Variants in ATP10B observed in about 807,000 individuals in gnomAD.
The protein encoded by ATP10B is ATPase phospholipid transporting 10B (putative), also known as phospholipid-transporting ATPase VB.
In ATP10B, 122 loss-of-function variants were observed where a neutral mutation model predicts 141.2. That is an observed-to-expected ratio of 0.86 (90% CI 0.75 to 1.00). The LOEUF (loss-of-function observed/expected upper bound fraction) is 1.00, where lower values mean the gene tolerates loss of function less well. Among genes scored for constraint, ATP10B ranks in the 50% least tolerant of loss-of-function variants. The pLI is 0.00. For missense variants in ATP10B, 1,876 were observed against 1,825.3 expected (o/e 1.03, Z -0.51); for synonymous variants, 685 against 692.0 (o/e 0.99, Z 0.16).
chr5:160,660,275 C>A (rs1005369752), intron 7 of ATP10B, among the ~76,000 whole-genome samples: 2 of 152,136 alleles, frequency 1.3e-5, no homozygotes, highest in Admixed American at 6.5e-5. Context: ...ATTGTGGTTT[C>A]TATTAAAAGG....
chr5:160,826,378 A>G (rs1774603874), intron 1 of ATP10B, among the ~76,000 whole-genome samples: 2 of 152,182 alleles, frequency 1.3e-5, no homozygotes, highest in African/African-American at 2.4e-5. Flanking sequence ...GATTTCATGG[A>G]CATTTATCAC....
intron 3 of ATP10B, among the ~76,000 whole-genome samples, chr5:160,707,354 A>G (rs76877564): frequency 0.017 from 2,514 of 152,320 alleles, 70 homozygotes; most frequent in African/African-American, 0.058. Context: ...AGGACCCCCT[A>G]AGCTGGTATT....
At chr5:160,850,859 A>G (rs1396199308) in intron 1 of ATP10B, among the ~76,000 whole-genome samples, 4 of 152,368 alleles carry the variant, frequency 2.6e-5, no homozygotes, top group African/African-American at 7.2e-5. Context: ...TGAATTTTCC[A>G]AGAATTTTTT....
intron 10 of ATP10B, 111 bp from the exon 11 acceptor site, chr5:160,636,420 C>T (rs573823090): frequency 1.8e-6 from 2 of 1,092,550 alleles, no homozygotes; most frequent in East Asian, 4.9e-5. Context: ...TTGGAGGACC[C>T]CTCCTTCTTC....
chr5:160,842,272 T>C (rs375143319), intron 1 of ATP10B, among the ~76,000 whole-genome samples: 88 of 152,200 alleles, frequency 5.8e-4, no homozygotes, highest in Non-Finnish European at 2.9e-4. Context: ...TTCTAAAATA[T>C]CTTAAATTAC....
At chr5:160,648,782 G>A (rs1023778597) in intron 8 of ATP10B, among the ~76,000 whole-genome samples, 1 of 152,144 alleles carries the variant, frequency 6.6e-6, no homozygotes, top group African/African-American at 2.4e-5. Context: ...GCAGAACCCC[G>A]ATTCAAACCC....
chr5:160,620,691 AGGATGTC>A lies in ATP10B; in HGVS notation c.2065_2071del (p.Asp689TrpfsTer48). 1 of 1,614,084 alleles carries A rather than the reference AGGATGTC, an allele frequency of 6.2e-7. No homozygotes were observed. Among genetic ancestry groups the A allele is most frequent in the Non-Finnish European group, 8.5e-7 (1 of 1,179,936 alleles). ...CAAGGAAGTGCCTGACCCAGACTCC[AGGATGTC>A]GCCCTGGTCCCACATGCTGCTCCTG... is the stretch of plus-strand genomic sequence containing the variant. On this transcript the variant is annotated frameshift_variant, in exon 15 of 26. Transcript: ENST00000327245. LOFTEE classifies it high-confidence loss of function.
intron 1 of ATP10B, among the ~76,000 whole-genome samples, chr5:160,843,647 A>G (rs1775939887): frequency 6.6e-6 from 1 of 152,172 alleles, no homozygotes; most frequent in South Asian, 2.1e-4. Context: ...TTGTGAACCT[A>G]AAGAAACTTT....
intron 9 of ATP10B, among the ~76,000 whole-genome samples, chr5:160,642,394 T>C (rs1759936686): frequency 6.6e-6 from 1 of 152,192 alleles, no homozygotes; most frequent in Non-Finnish European, 1.5e-5. Flanking sequence ...GGCCTTTGAC[T>C]CTGAGGCCCT....
rs1774099369 is a variant in ATP10B at position 160,821,489 on chromosome 5, T to C, written c.-576+30452A>G. Among the ~76,000 whole-genome samples, 3 of 152,210 alleles carry C rather than the reference T, an allele frequency of 2.0e-5. No individual in the cohort carries two copies. In the South Asian group the frequency reaches 6.2e-4, roughly 32 times the overall value. ...AACCCCTATCAAAATAACAATGATA[T>C]TCTTTACAGAAATATAAAAAAATCT... On this transcript the variant is annotated intron_variant, in intron 1 of 25. Transcript: ENST00000327245.
intron 9 of ATP10B, among the ~76,000 whole-genome samples, chr5:160,643,904 C>A (rs1373903071): frequency 1.3e-5 from 2 of 152,156 alleles, no homozygotes; most frequent in African/African-American, 2.4e-5. Flanking sequence ...GTGTGAATCC[C>A]TTTCCCTATC....
At chr5:160,826,747 A>G (rs942141255) in intron 1 of ATP10B, among the ~76,000 whole-genome samples, 2 of 152,104 alleles carry the variant, frequency 1.3e-5, no homozygotes, top group Non-Finnish European at 2.9e-5. Flanking sequence ...TGGGAAAGGA[A>G]TTGCATTCCT....
the ATP10B span, among the ~76,000 whole-genome samples, chr5:160,897,109 A>G: frequency 6.6e-6 from 1 of 152,242 alleles, no homozygotes; most frequent in Non-Finnish European, 1.5e-5. Flanking sequence ...AAAAGCTGGA[A>G]GCATTCCCTT....
intron 8 of ATP10B, among the ~76,000 whole-genome samples, chr5:160,648,120 T>A (rs185439152): frequency 6.6e-6 from 1 of 152,190 alleles, no homozygotes; most frequent in African/African-American, 2.4e-5. Context: ...TTTGCATCTA[T>A]AAAGTCTCAG....
intron 6 of ATP10B, among the ~76,000 whole-genome samples, chr5:160,671,863 C>G (rs747822155): frequency 2.0e-5 from 3 of 151,986 alleles, no homozygotes; most frequent in East Asian, 1.9e-4. Flanking sequence ...GGGTCCAGCC[C>G]GACACCAAAA....
chr5:160,876,362 G>A, the ATP10B span, among the ~76,000 whole-genome samples: 1 of 146,826 alleles, frequency 6.8e-6, no homozygotes, highest in Non-Finnish European at 1.5e-5. Context: ...AACATACCAG[G>A]ATCTCTGGGA....
At position 160,598,903 on chromosome 5, in the gene ATP10B, T is replaced by C. The variant is rs920794273; in HGVS notation, c.3431A>G (p.Tyr1144Cys). 1.9e-6 allele frequency: 3 copies of C among 1,614,192 alleles called. No homozygotes were observed. The highest frequency in any genetic ancestry group is 2.7e-5 in the African/African-American group (2 of 75,070). The stretch of plus-strand genomic sequence containing the variant: ...GAGATTGAAGAATATCATCTGCCAG[T>C]AATCAATCATGGTGGAGCTGGAGAA... ...CGFSSSTMID[Y>C]WQMIFFNLFF... The change falls in exon 22 of 26, where the codon TAC becomes TGC. Residue 1144 changes from tyrosine (Y) to cysteine (C), a missense_variant. Coordinates refer to ENST00000327245, the MANE Select transcript of ATP10B (RefSeq NM_025153.3).
At chr5:160,634,082 T>G in intron 12 of ATP10B, 1 of 524,674 alleles carries the variant, frequency 1.9e-6, no homozygotes. Flanking sequence ...ACTCGTCTCA[T>G]AAAGTGCTTT....
Position 160,764,341 on chromosome 5 carries a change from C to T in ATP10B, c.-331+21218G>A, listed in dbSNP as rs1288013931. On this transcript the variant is annotated intron_variant, in intron 2 of 25. Transcript: ENST00000327245. ...AATACCAGCTAACTGAATTCAACAGCGTATCAAAAAGATAATACACTATCA... is the reference window on the plus strand; with the variant it reads ...AATACCAGCTAACTGAATTCAACAGTGTATCAAAAAGATAATACACTATCA... Among the ~76,000 whole-genome samples the T allele has an allele frequency of 2.6e-5, 4 of 152,072 alleles. No homozygotes were observed. In the East Asian group the frequency reaches 5.8e-4, roughly 22 times the overall value.
Sources: gnomAD v4.1 joint callset for allele counts (sites outside exome capture counted in the v4.1 genomes callset) on GRCh38, gnomAD v4.1.1 for gene constraint, MANE v1.5 for transcripts, NCBI Gene and HGNC (gene_info 2026-07-23, HGNC 2026-07-21) for gene names.